SH3GL3: variants seen among roughly 807,000 people sequenced by gnomAD.
The protein encoded by SH3GL3 is SH3 domain containing GRB2 like 3, endophilin A3.
Under a neutral mutation model 47.7 loss-of-function variants are expected in SH3GL3, and 33 were observed. The ratio of observed to expected loss-of-function variants is 0.69; its 90% CI spans 0.52 to 0.92. SH3GL3 has a LOEUF of 0.92. Among genes scored for constraint, SH3GL3 ranks in the 40% least tolerant of loss-of-function variants. The pLI is 0.00. For missense variants in SH3GL3, 363 were observed against 417.8 expected (o/e 0.87, Z 1.14); for synonymous variants, 155 against 148.8 (o/e 1.04, Z -0.30).
intron 6 of SH3GL3, among the ~76,000 whole-genome samples, chr15:83,583,411 C>G (rs1455312809): frequency 1.3e-5 from 2 of 152,186 alleles, no homozygotes; most frequent in Non-Finnish European, 2.9e-5. Flanking sequence ...CCTAAGACAG[C>G]CTTGGTTACA....
chr15:83,462,993 C>G (rs1266045352), intron 1 of SH3GL3, among the ~76,000 whole-genome samples: 1 of 152,114 alleles, frequency 6.6e-6, no homozygotes, highest in Non-Finnish European at 1.5e-5. Context: ...AAAGAAAGAT[C>G]TTGATTAAAA....
intron 1 of SH3GL3, among the ~76,000 whole-genome samples, chr15:83,473,822 C>T (rs975153996): frequency 1.3e-5 from 2 of 151,112 alleles, no homozygotes; most frequent in South Asian, 2.1e-4. Context: ...GCTGGGATTA[C>T]AGACGTGAGC....
chr15:83,459,336 A>G (rs1182978432), intron 1 of SH3GL3, among the ~76,000 whole-genome samples: 1 of 152,196 alleles, frequency 6.6e-6, no homozygotes, highest in Non-Finnish European at 1.5e-5. Context: ...AGTACTTTGC[A>G]TTCTTCAATC....
chr15:83,486,659 G>A (rs750707188), intron 1 of SH3GL3, among the ~76,000 whole-genome samples: 10 of 152,056 alleles, frequency 6.6e-5, no homozygotes, highest in Non-Finnish European at 1.3e-4. Flanking sequence ...GGACATTTGG[G>A]TTTTTCTCCC....
At chr15:83,486,328 C>A (rs1317517971) in intron 1 of SH3GL3, among the ~76,000 whole-genome samples, 1 of 152,186 alleles carries the variant, frequency 6.6e-6, no homozygotes, top group Non-Finnish European at 1.5e-5. Context: ...CAATGATCAT[C>A]TCTATCTAGT....
chr15:83,614,966 G>T (rs1207642194), intron 8 of SH3GL3, among the ~76,000 whole-genome samples: 1 of 152,084 alleles, frequency 6.6e-6, no homozygotes, highest in Non-Finnish European at 1.5e-5. Context: ...GGACCTAGAA[G>T]ACTTAGTGGA....
intron 1 of SH3GL3, among the ~76,000 whole-genome samples, chr15:83,507,215 A>G (rs907479018): frequency 7.2e-5 from 11 of 151,884 alleles, no homozygotes; most frequent in Non-Finnish European, 1.5e-4. Context: ...TCACCGTGTT[A>G]ACCAGGATGG....
chr15:83,551,835 GT>G (rs1567329299), intron 1 of SH3GL3, among the ~76,000 whole-genome samples: 1 of 152,164 alleles, frequency 6.6e-6, no homozygotes, highest in Non-Finnish European at 1.5e-5. Context: ...GTATTATTTA[GT>G]ATGTTGAATG....
intron 1 of SH3GL3, among the ~76,000 whole-genome samples, chr15:83,553,043 G>A (rs1302134165): frequency 6.6e-6 from 1 of 152,036 alleles, no homozygotes; most frequent in African/African-American, 2.4e-5. Flanking sequence ...GAGGCAGGAG[G>A]ATCGCTTGAA....
chr15:83,610,629 A>T (rs2060635084), intron 8 of SH3GL3, among the ~76,000 whole-genome samples: 1 of 152,186 alleles, frequency 6.6e-6, no homozygotes. Flanking sequence ...TTGCATAGGG[A>T]TCAAGAACGT....
At chr15:83,612,832 G>A (rs765944133) in intron 8 of SH3GL3, among the ~76,000 whole-genome samples, 11 of 152,134 alleles carry the variant, frequency 7.2e-5, no homozygotes, top group Non-Finnish European at 1.3e-4. Context: ...TCAAGCTCTA[G>A]TTCTTGGAAC....
chr15:83,527,406 C>T (rs2043474487), intron 1 of SH3GL3, among the ~76,000 whole-genome samples: 1 of 152,018 alleles, frequency 6.6e-6, no homozygotes, highest in East Asian at 1.9e-4. Flanking sequence ...GGTTTTGGTG[C>T]ACATACATTT....
chr15:83,480,281 TTATAA>T (rs1204379076), intron 1 of SH3GL3, among the ~76,000 whole-genome samples: 2 of 152,228 alleles, frequency 1.3e-5, no homozygotes, highest in African/African-American at 4.8e-5. Flanking sequence ...TTCTACACTG[TTATAA>T]TAAATAATGG....
At position 83,531,663 on chromosome 15, in the gene SH3GL3, G is replaced by C. The variant is rs115090043; in HGVS notation, c.46-27590G>C. The stretch of plus-strand genomic sequence containing the variant: ...AACGGGTGTTTTGGATAACTCATTG[G>C]CAGTTGTATGGAGGAAGAATTTGAG... On this transcript the variant is annotated intron_variant, in intron 1 of 8. Transcript: ENST00000427482. Among the ~76,000 whole-genome samples the C allele has an allele frequency of 1.9e-3, 292 of 152,290 alleles. 2 individuals are homozygous for C. The highest frequency in any genetic ancestry group is 6.7e-3 in the African/African-American group (277 of 41,562).
chr15:83,500,241 G>A (rs900295868), intron 1 of SH3GL3, among the ~76,000 whole-genome samples: 6 of 152,166 alleles, frequency 3.9e-5, no homozygotes, highest in South Asian at 4.1e-4. Context: ...TTGATTGGGC[G>A]AACTACTTGG....
At chr15:83,574,535 C>G (rs561138450) in intron 5 of SH3GL3, among the ~76,000 whole-genome samples, 66 of 152,256 alleles carry the variant, frequency 4.3e-4, no homozygotes, top group Non-Finnish European at 7.5e-4. Context: ...TTACACACAG[C>G]ACAGCTGCCC....
chr15:83,504,335 A>G (rs1347215122), intron 1 of SH3GL3, among the ~76,000 whole-genome samples: 1 of 152,212 alleles, frequency 6.6e-6, no homozygotes, highest in African/African-American at 2.4e-5. Flanking sequence ...AGAAGCCACA[A>G]TTGTGGTAGC....
intron 8 of SH3GL3, among the ~76,000 whole-genome samples, chr15:83,616,673 A>G (rs2060827067): frequency 6.6e-6 from 1 of 152,184 alleles, no homozygotes; most frequent in Admixed American, 6.5e-5. Flanking sequence ...TTAATAGTGC[A>G]CATTTGTAGA....
intron 1 of SH3GL3, among the ~76,000 whole-genome samples, chr15:83,536,682 C>T (rs2043926579): frequency 6.6e-6 from 1 of 152,056 alleles, no homozygotes; most frequent in South Asian, 2.1e-4. Context: ...GCCACCATGC[C>T]CAGCCAACTC....
Sources: allele counts gnomAD v4.1 joint callset (sites outside exome capture counted in the v4.1 genomes callset), GRCh38; gene constraint gnomAD v4.1.1; transcripts MANE v1.5; gene names NCBI Gene and HGNC (gene_info 2026-07-23, HGNC 2026-07-21).